The following UBR2 variants were observed in gnomAD, a reference collection of about 807,000 sequenced individuals.
UBR2 encodes E3 ubiquitin-protein ligase UBR2.
In UBR2, 92 loss-of-function variants were observed where a neutral mutation model predicts 247.9. That is an observed-to-expected ratio of 0.37 (90% CI 0.31 to 0.44). The LOEUF (loss-of-function observed/expected upper bound fraction) is 0.44, where lower values mean the gene tolerates loss of function less well. Ranked by LOEUF, UBR2 falls within the 20% of genes least tolerant of loss-of-function variation. The pLI, the probability that UBR2 is intolerant of heterozygous loss-of-function variation, is 1.00. For synonymous variants in UBR2, 672 were observed against 693.5 expected (o/e 0.97, Z 0.49); for missense variants, 1,613 against 2,112.6 (o/e 0.76, Z 4.64).
intron 26 of UBR2, among the ~76,000 whole-genome samples, chr6:42,657,715 G>A (rs1421629424): frequency 6.6e-6 from 1 of 152,178 alleles, no homozygotes; most frequent in Non-Finnish European, 1.5e-5. Flanking sequence ...TTTTAGACCT[G>A]TAAAATCTGA....
chr6:42,687,404 G>C (rs1004523704), intron 44 of UBR2, among the ~76,000 whole-genome samples: 3 of 152,230 alleles, frequency 2.0e-5, no homozygotes, highest in Non-Finnish European at 4.4e-5. Context: ...GAATCAGGCA[G>C]GGAGGTTGCA....
intron 1 of UBR2, among the ~76,000 whole-genome samples, chr6:42,572,181 ATAGTT>A (rs1398287104): frequency 1.3e-5 from 2 of 152,150 alleles, no homozygotes; most frequent in East Asian, 1.9e-4. Flanking sequence ...TATTTGGAAA[ATAGTT>A]TAGTTTCACT....
chr6:42,607,790 T>G (rs1468672280), intron 7 of UBR2, among the ~76,000 whole-genome samples: 1 of 151,666 alleles, frequency 6.6e-6, no homozygotes, highest in African/African-American at 2.4e-5. Context: ...ATAATTACTT[T>G]GCTTAATTTA....
At chr6:42,584,107 C>T (rs111569983) in intron 2 of UBR2, among the ~76,000 whole-genome samples, 3,289 of 151,820 alleles carry the variant, frequency 0.022, 105 homozygotes, top group African/African-American at 0.074. Flanking sequence ...GAGCAATTCT[C>T]CCGCCTCAGC....
intron 1 of UBR2, among the ~76,000 whole-genome samples, chr6:42,564,697 C>T (rs372532315): frequency 2.7e-4 from 41 of 152,386 alleles, no homozygotes; most frequent in African/African-American, 9.9e-4. Flanking sequence ...AGTCTCCCAA[C>T]ACATGGGCCT....
intron 16 of UBR2, among the ~76,000 whole-genome samples, chr6:42,640,891 G>A (rs560269037): frequency 6.6e-6 from 1 of 151,794 alleles, no homozygotes; most frequent in East Asian, 1.9e-4. Flanking sequence ...ACCACTCCCA[G>A]CTAATTTTTG....
chr6:42,610,897 G>A (rs1455209735), intron 7 of UBR2, among the ~76,000 whole-genome samples: 1 of 150,538 alleles, frequency 6.6e-6, no homozygotes, highest in East Asian at 2.0e-4. Context: ...TCAGGTTGGA[G>A]TGCAATGGCG....
At chr6:42,618,493 C>A (rs1252414929) in intron 11 of UBR2, among the ~76,000 whole-genome samples, 1 of 152,132 alleles carries the variant, frequency 6.6e-6, no homozygotes, top group African/African-American at 2.4e-5. Flanking sequence ...AGGATATATT[C>A]TAATACAGTG....
chr6:42,619,426 TATATATATATATATATATATATATATA>T lies in UBR2; in HGVS notation c.1281+1920_1281+1946del, dbSNP rs759743798. On this transcript the variant is annotated intron_variant, in intron 11 of 46. Coordinates refer to ENST00000372901, the MANE Select transcript of UBR2 (RefSeq NM_001363705.2). ...CTCGTTATGAACATATATATATATA[TATATATATATATATATATATATATATA>T]TTTTTTTTTTTTAGTTCTCTATCTC... 36 of 14,952 alleles carry T rather than the reference TATATATATATATATATATATATATATA, an allele frequency of 2.4e-3. 5 individuals carry two copies. Among genetic ancestry groups the T allele is most frequent in the African/African-American group, 8.6e-3 (33 of 3,838 alleles). 0.9% of individuals were successfully genotyped at this position (14,952 alleles called of 1,614,324 possible).
intron 10 of UBR2, 44 bp downstream of exon 10, chr6:42,616,134 A>T: frequency 7.3e-7 from 1 of 1,362,998 alleles, no homozygotes. Flanking sequence ...ATATAGAGTA[A>T]CTATGCCCAT....
At chr6:42,600,211 A>G (rs769071161) in intron 4 of UBR2, among the ~76,000 whole-genome samples, 22 of 152,218 alleles carry the variant, frequency 1.4e-4, no homozygotes, top group Non-Finnish European at 2.5e-4. Flanking sequence ...AAAGTTCTCC[A>G]TAATTCCTAC....
intron 11 of UBR2, among the ~76,000 whole-genome samples, chr6:42,630,702 A>G (rs1472746925): frequency 6.6e-6 from 1 of 152,004 alleles, no homozygotes; most frequent in Non-Finnish European, 1.5e-5. Flanking sequence ...ATATTTACAG[A>G]TTTTCTACTT....
rs111556120 is a variant in UBR2, at chr6:42,574,556, C to G, written c.338+563C>G. Among the ~76,000 whole-genome samples, 610 of 152,156 alleles carry G rather than the reference C, an allele frequency of 4.0e-3. 1 individual carries two copies. Among genetic ancestry groups the G allele is most frequent in the Non-Finnish European group, 5.8e-3 (397 of 67,992 alleles). ...ATTTACTGCTGTTAGGAAGACTTTTCTTTTTTAAATTTCTTGGTGAAAATT... is the reference window on the plus strand; with the variant it reads ...ATTTACTGCTGTTAGGAAGACTTTTGTTTTTTAAATTTCTTGGTGAAAATT... On this transcript the variant is annotated intron_variant, in intron 2 of 46. Coordinates refer to ENST00000372901, the MANE Select transcript of UBR2 (RefSeq NM_001363705.2).
rs1198307513 is a variant in UBR2 at position 42,614,392 on chromosome 6, GTACA to G, written c.986-671_986-668del. Among the ~76,000 whole-genome samples the G allele has an allele frequency of 5.6e-4, 71 of 126,700 alleles. 3 individuals carry two copies. The highest frequency in any genetic ancestry group is 2.0e-3 in the South Asian group (8 of 3,984). The allele number at this position is 126,700 out of a possible 152,430, so 83.1% of individuals were successfully genotyped here. A position where few individuals can be genotyped will look rare whatever the true frequency, so the allele number is the denominator to read the frequency against. Reference sequence around the variant, plus strand: ...TGTATGTGTGTATATATGTATGTACGTACATACATACGTATGTATGTACGTACGT... The same window carrying G: ...TGTATGTGTGTATATATGTATGTACGTACATACGTATGTATGTACGTACGT... On this transcript the variant is annotated intron_variant, in intron 8 of 46. Transcript: ENST00000372901.
chr6:42,603,192 C>G (rs1268115644), intron 4 of UBR2, among the ~76,000 whole-genome samples: 1 of 152,134 alleles, frequency 6.6e-6, no homozygotes, highest in Non-Finnish European at 1.5e-5. Flanking sequence ...ACCTATAAAA[C>G]TCAATATTGC....
In UBR2 at chr6:42,586,822, C is replaced by CTTTTTTT. The variant is rs34530579; in HGVS notation, c.339-5318_339-5312dup. Among the ~76,000 whole-genome samples, 12 of 123,892 alleles carry CTTTTTTT rather than the reference C, an allele frequency of 9.7e-5. 1 individual carries two copies. The highest frequency in any genetic ancestry group is 2.8e-4 in the African/African-American group (9 of 31,880). 81.3% of individuals were successfully genotyped at this position (123,892 alleles called of 152,430 possible). On this transcript the variant is annotated intron_variant, in intron 2 of 46. Coordinates refer to ENST00000372901, the MANE Select transcript of UBR2 (RefSeq NM_001363705.2). ...TTGTCATATATATTGCACCTATAAA[C>CTTTTTTT]TTTTTTTTTTTTTTTTTGAGACAGA...
intron 32 of UBR2, chr6:42,664,372 G>A (rs1461101388): frequency 6.6e-6 from 1 of 152,002 alleles, no homozygotes; most frequent in Non-Finnish European, 1.5e-5. Flanking sequence ...TACGAGTATT[G>A]GACATACTCA....
intron 11 of UBR2, chr6:42,619,453 A>AATTTTTTT (rs1554251971): frequency 4.2e-5 from 1 of 23,716 alleles, no homozygotes; most frequent in Admixed American, 8.3e-4. Context: ...ATATATATAT[A>AATTTTTTT]TTTTTTTTTT....
Position 42,641,698 on chromosome 6 carries a change from T to C in UBR2, c.2031+6T>C. 6.2e-7 allele frequency: 1 copy of C among 1,601,014 alleles called. No individual in the cohort carries two copies. ...GGTTCTCTCTAGTAAACCAGGTAAG[T>C]GTTTTCTAATTCTATGAAGAGTTTT... On this transcript the variant is annotated splice_donor_region_variant and intron_variant, in intron 17 of 46. Coordinates refer to ENST00000372901, the MANE Select transcript of UBR2 (RefSeq NM_001363705.2).
Sources: gnomAD v4.1 joint callset for allele counts (sites outside exome capture counted in the v4.1 genomes callset) on GRCh38, gnomAD v4.1.1 for gene constraint, MANE v1.5 for transcripts, NCBI Gene and HGNC (gene_info 2026-07-23, HGNC 2026-07-21) for gene names.